UPRT: variants seen among roughly 807,000 people sequenced by gnomAD.
UPRT encodes RP11-311P8.3.
Under a neutral mutation model 22.6 loss-of-function variants are expected in UPRT, and 5 were observed. That is an observed-to-expected ratio of 0.22 (90% CI 0.12 to 0.47). UPRT has a LOEUF of 0.47. UPRT is among the 20% of genes least tolerant of loss of function. The pLI, the probability that UPRT is intolerant of heterozygous loss-of-function variation, is 0.99. For missense variants in UPRT, 181 were observed against 239.9 expected (o/e 0.75, Z 1.62); for synonymous variants, 77 against 87.7 (o/e 0.88, Z 0.68).
chrX:75,186,112 T>C (rs1015794113), intron 4 of UPRT, among the ~76,000 whole-genome samples: 2 of 111,426 alleles, frequency 1.8e-5, no homozygotes, highest in African/African-American at 6.5e-5. Flanking sequence ...AATTGTGATG[T>C]TAGGGTGTCA....
rs1283190023 is a variant in UPRT, at chrX:75,301,060, C to G, written c.823+95C>G. ...CTTCTAATCCTGAGGAAAAGTTTAT[C>G]TGCTTTCACATTAAATCTGAATCTA... On this transcript the variant is annotated intron_variant, in intron 6 of 6. Transcript: ENST00000373383. The G allele has an allele frequency of 1.6e-5, 9 of 555,931 alleles. No homozygotes were observed. The Admixed American group carries it at 1.9e-4, about 12-fold the overall frequency. The allele number at this position is 555,931 out of a possible 1,213,427, so 45.8% of individuals were successfully genotyped here.
intron 1 of UPRT, among the ~76,000 whole-genome samples, chrX:75,284,899 A>G (rs913204818): frequency 1.5e-4 from 17 of 110,901 alleles, no homozygotes; most frequent in African/African-American, 4.6e-4. Flanking sequence ...TACCAGGGTG[A>G]GTAGGGAAGG....
chrX:75,285,309 G>A (rs2082675508), intron 1 of UPRT: 1 of 111,548 alleles, frequency 9.0e-6, no homozygotes. Context: ...CTGGCCAGGA[G>A]GCTTCTTGCC....
intron 1 of UPRT, among the ~76,000 whole-genome samples, chrX:75,275,659 A>G (rs903454608): frequency 9.0e-6 from 1 of 111,376 alleles, no homozygotes; most frequent in African/African-American, 3.3e-5. Flanking sequence ...TGCCCTACTC[A>G]GCAACCTTCT....
chrX:75,232,088 T>C (rs2082440339), intron 4 of UPRT, among the ~76,000 whole-genome samples: 1 of 111,919 alleles, frequency 8.9e-6, no homozygotes, highest in African/African-American at 3.2e-5. Context: ...GAACTCACCA[T>C]GCATGAGCCG....
upstream of UPRT, among the ~76,000 whole-genome samples, chrX:75,272,767 G>C (rs893692085): frequency 1.0e-4 from 11 of 109,713 alleles, no homozygotes; most frequent in Non-Finnish European, 1.3e-4. Context: ...ATCTGTATAG[G>C]CATGTTAAAA....
chrX:75,236,743 C>G (rs1051412398), intron 4 of UPRT, among the ~76,000 whole-genome samples: 5 of 112,397 alleles, frequency 4.4e-5, no homozygotes, highest in Admixed American at 1.9e-4. Flanking sequence ...ACTGGCTAGC[C>G]AGATGTAGAA....
chrX:75,209,087 A>G (rs1367053468), intron 4 of UPRT, among the ~76,000 whole-genome samples: 3 of 112,173 alleles, frequency 2.7e-5, no homozygotes, highest in Admixed American at 1.9e-4. Context: ...AATAGGTTGC[A>G]TAATAGAGGA....
At chrX:75,227,269 A>G (rs2082426178) in intron 4 of UPRT, among the ~76,000 whole-genome samples, 2 of 111,589 alleles carry the variant, frequency 1.8e-5, no homozygotes, top group South Asian at 7.6e-4. Flanking sequence ...TTTGTATGAC[A>G]ATATACATGA....
intron 4 of UPRT, among the ~76,000 whole-genome samples, chrX:75,240,684 A>G (rs963025744): frequency 1.8e-5 from 2 of 112,022 alleles, no homozygotes; most frequent in African/African-American, 6.5e-5. Flanking sequence ...AAAGTATACT[A>G]CAAGGCTGTA....
At chrX:75,204,476 G>A (rs537472385) in intron 4 of UPRT, among the ~76,000 whole-genome samples, 6 of 112,502 alleles carry the variant, frequency 5.3e-5, no homozygotes, top group African/African-American at 1.9e-4. Flanking sequence ...TGTAAGTGAA[G>A]GCAGTGAGCC....
chrX:75,184,050 G>C (rs1159844539), intron 4 of UPRT, among the ~76,000 whole-genome samples: 4 of 111,863 alleles, frequency 3.6e-5, no homozygotes, highest in East Asian at 2.8e-4. Context: ...TGTCAATTTT[G>C]GCTTTTGTTG....
intron 4 of UPRT, among the ~76,000 whole-genome samples, chrX:75,217,050 G>C (rs1361644053): frequency 8.9e-6 from 1 of 111,889 alleles, no homozygotes; most frequent in Non-Finnish European, 1.9e-5. Context: ...ACTGCGCCTG[G>C]CCGAGAAATA....
At chrX:75,267,031 G>A (rs928801429) in intron 4 of UPRT, among the ~76,000 whole-genome samples, 1 of 111,277 alleles carries the variant, frequency 9.0e-6, no homozygotes, top group Non-Finnish European at 1.9e-5. Flanking sequence ...ACAGTATGGC[G>A]ATTCGTCAAG....
At chrX:75,178,820 G>A (rs1262471067) in intron 4 of UPRT, among the ~76,000 whole-genome samples, 1 of 111,243 alleles carries the variant, frequency 9.0e-6, no homozygotes, top group East Asian at 2.9e-4. Flanking sequence ...ATTGTAAAGA[G>A]TGAAAGAACA....
intron 1 of UPRT, among the ~76,000 whole-genome samples, chrX:75,275,062 T>TA (rs1320098964): frequency 9.0e-6 from 1 of 111,248 alleles, no homozygotes; most frequent in African/African-American, 3.3e-5. Flanking sequence ...CTCAGGTTCA[T>TA]AAATAGAAAT....
chrX:75,217,778 C>A (rs1457090386), intron 4 of UPRT, among the ~76,000 whole-genome samples: 1 of 112,220 alleles, frequency 8.9e-6, no homozygotes, highest in South Asian at 3.7e-4. Flanking sequence ...CAAAAACAAG[C>A]AATGGGGAAA....
Position 75,296,534 on chromosome X carries a change from C to A in UPRT, c.499+123C>A, listed in dbSNP as rs1240780406. The A allele has an allele frequency of 9.2e-6, 5 of 546,302 alleles. No individual in the cohort carries two copies. In the Admixed American group the frequency reaches 1.1e-4, roughly 12 times the overall value. 45.0% of individuals were successfully genotyped at this position (546,302 alleles called of 1,213,427 possible). A position where few individuals can be genotyped will look rare whatever the true frequency, so the allele number is the denominator to read the frequency against. ...AAATGAAGGGCTAGGTGGAGCTATTCTTTTAAAATCTTAAAAATAAAACTC... is the reference window on the plus strand; with the variant it reads ...AAATGAAGGGCTAGGTGGAGCTATTATTTTAAAATCTTAAAAATAAAACTC... On this transcript the variant is annotated intron_variant, in intron 3 of 6. Coordinates refer to ENST00000373383, the MANE Select transcript of UPRT (RefSeq NM_145052.4).
chrX:75,184,735 C>T (rs2082283459), intron 4 of UPRT, among the ~76,000 whole-genome samples: 1 of 109,422 alleles, frequency 9.1e-6, no homozygotes, highest in Admixed American at 9.9e-5. Flanking sequence ...TGAAGAGGTC[C>T]TTCACATCCC....
Sources: gnomAD v4.1 joint callset for allele counts (sites outside exome capture counted in the v4.1 genomes callset) on GRCh38, gnomAD v4.1.1 for gene constraint, MANE v1.5 for transcripts, NCBI Gene and HGNC (gene_info 2026-07-23, HGNC 2026-07-21) for gene names.